Variants in MACF1 observed in about 807,000 individuals in gnomAD.
MACF1 encodes microtubule actin crosslinking factor 1, also known as microtubule-actin cross-linking factor 1.
A neutral mutation model predicts 854.8 loss-of-function variants in MACF1; 193 were observed. That is an observed-to-expected ratio of 0.23 (90% CI 0.20 to 0.25). The LOEUF is 0.25. MACF1 is among the 10% of genes least tolerant of loss of function. The pLI is 1.00. For synonymous variants in MACF1, 3,185 were observed against 3,226.7 expected (o/e 0.99, Z 0.44); for missense variants, 7,722 against 8,929.1 (o/e 0.86, Z 5.45).
chr1:39,459,443 T>A (rs919047668), intron 91 of MACF1, among the ~76,000 whole-genome samples, 194 bp downstream of exon 91: 9 of 152,186 alleles, frequency 5.9e-5, no homozygotes, highest in Non-Finnish European at 1.3e-4. Context: ...GAAAACCGTT[T>A]GTGACAGAGT....
At chr1:39,410,552 G>A (rs1465563404) in intron 58 of MACF1, 5 of 1,613,872 alleles carry the variant, frequency 3.1e-6, no homozygotes, top group Non-Finnish European at 4.2e-6. Context: ...CTGGATGAGA[G>A]GATAATATTT....
Position 39,105,326 on chromosome 1 carries a change from C to CTG in MACF1, c.220+20888_220+20889insTG, listed in dbSNP as rs1286223292. On this transcript the variant is annotated intron_variant, in intron 2 of 93. Coordinates refer to the MACF1 transcript ENST00000361689. This position sits in a 1 kb window ranked among gnomAD's most constrained non-coding sequence, Gnocchi z 5.9. The stretch of plus-strand genomic sequence containing the variant: ...CTGGCGCTCCTGACAGGAGGAGCCG[C>CTG]CGCCGCCGCCCGCCGCTGCAGCCGC... The CTG allele has an allele frequency of 2.3e-5, 20 of 865,372 alleles. No homozygotes were observed. In the African/African-American group the frequency reaches 3.7e-4, roughly 16 times the overall value. 53.6% of individuals were successfully genotyped at this position (865,372 alleles called of 1,614,324 possible). A position where few individuals can be genotyped will look rare whatever the true frequency, so the allele number is the denominator to read the frequency against.
chr1:39,099,391 A>G lies in MACF1; in HGVS notation c.220+14953A>G, dbSNP rs111249794. ...AGGCTGGCCTCGAACTCCTGACCTC[A>G]GGTGATCTGCCCGCCCTGGCCTCCC... On this transcript the variant is annotated intron_variant, in intron 2 of 93. Transcript: ENST00000361689. 1.9e-3 allele frequency among the ~76,000 whole-genome samples: 296 copies of G among 152,326 alleles called. 2 individuals are homozygous for G. Among genetic ancestry groups the G allele is most frequent in the African/African-American group, 6.9e-3 (285 of 41,578 alleles).
intron 89 of MACF1, among the ~76,000 whole-genome samples, chr1:39,455,345 A>T (rs562911962): frequency 6.6e-6 from 1 of 152,160 alleles, no homozygotes; most frequent in Admixed American, 6.5e-5. Flanking sequence ...CTGCAGTCTC[A>T]TCTGGAGTTC....
intron 2 of MACF1, among the ~76,000 whole-genome samples, chr1:39,163,038 C>T (rs1299809695): frequency 6.6e-6 from 1 of 151,998 alleles, no homozygotes; most frequent in Non-Finnish European, 1.5e-5. Flanking sequence ...CTCTTCAGTG[C>T]CAGGTTATGA....
intron 58 of MACF1, among the ~76,000 whole-genome samples, chr1:39,419,030 C>G (rs1216250890): frequency 6.6e-6 from 1 of 152,148 alleles, no homozygotes; most frequent in East Asian, 1.9e-4. Context: ...TGACACAGTC[C>G]TATTTCACTA....
At position 39,267,949 on chromosome 1, in the gene MACF1, A is replaced by C. The variant is rs145308196; in HGVS notation, c.528+9921A>C. 6.9e-3 allele frequency among the ~76,000 whole-genome samples: 1,056 copies of C among 152,354 alleles called. 8 individuals carry two copies. The highest frequency in any genetic ancestry group is 0.024 in the African/African-American group (996 of 41,574). On this transcript the variant is annotated intron_variant, in intron 6 of 100. Coordinates refer to ENST00000564288, the MANE Select transcript of MACF1 (RefSeq NM_001394062.1). ...GTTCCTTTTCTTAACTGTAAGAAGA[A>C]GGCTCTGGTTTCTTCAGGTTATAAT...
chr1:39,350,641 A>T, intron 42 of MACF1, 144 bp from the exon 43 acceptor site: 1 of 560,240 alleles, frequency 1.8e-6, no homozygotes, highest in Non-Finnish European at 3.1e-6. Context: ...CTTTGCATTG[A>T]TTTAAGCCTA....
Position 39,460,654 on chromosome 1 carries a change from A to G in MACF1, c.21383A>G (p.Asp7128Gly). The G allele has an allele frequency of 6.2e-7, 1 of 1,614,158 alleles. No homozygotes were observed. The highest frequency in any genetic ancestry group is 8.5e-7 in the Non-Finnish European group (1 of 1,180,000). Residue 7128 changes from aspartate to glycine, a missense_variant, in exon 92 of 101, where the codon GAC becomes GGC. This residue lies in a region of MACF1 where 729 missense variants were observed against 900.5 expected (regional missense o/e 0.81). Coordinates refer to ENST00000564288, the MANE Select transcript of MACF1 (RefSeq NM_001394062.1). This position sits in a 1 kb window ranked among gnomAD's most constrained non-coding sequence, Gnocchi z 4.1. ...LEELKEFANF[D>G]FDVWRKKYMR... ...TAGTTGAAAGAATTTGCCAACTTTG[A>G]CTTTGATGTCTGGAGGAAAAAGTAT...
chr1:39,166,357 C>T (rs1017562035), intron 2 of MACF1, among the ~76,000 whole-genome samples: 1 of 151,690 alleles, frequency 6.6e-6, no homozygotes, highest in Non-Finnish European at 1.5e-5. Flanking sequence ...TGTGAGCCAC[C>T]ATGCCCTACT....
chr1:39,102,193 A>AAGAGAG (rs61576279), intron 2 of MACF1, among the ~76,000 whole-genome samples: 10,333 of 148,130 alleles, frequency 0.07, 449 homozygotes, highest in South Asian at 0.15. Context: ...AAGAAAAAGA[A>AAGAGAG]AGAGAGAGAG....
intron 5 of MACF1, chr1:39,257,639 T>A (rs182073480): frequency 2.1e-5 from 6 of 291,604 alleles, no homozygotes. Flanking sequence ...TGATCCCATT[T>A]ATCCAACACT....
intron 57 of MACF1, among the ~76,000 whole-genome samples, chr1:39,386,565 G>A (rs949732442): frequency 6.6e-6 from 1 of 152,104 alleles, no homozygotes; most frequent in African/African-American, 2.4e-5. Flanking sequence ...CCAAGTAGCT[G>A]GGACTACAAG....
intron 6 of MACF1, among the ~76,000 whole-genome samples, chr1:39,280,664 A>G (rs963700539): frequency 5.9e-5 from 9 of 151,928 alleles, no homozygotes; most frequent in Admixed American, 1.3e-4. Flanking sequence ...CACAACCTCC[A>G]CCTCCTGGGT....
intron 2 of MACF1, among the ~76,000 whole-genome samples, chr1:39,157,151 G>A (rs6600290): frequency 0.59 from 89,216 of 151,728 alleles, 28,147 homozygotes; most frequent in South Asian, 0.72. Flanking sequence ...TTTAGTTTTT[G>A]TAGAGATGAG....
intron 58 of MACF1, among the ~76,000 whole-genome samples, chr1:39,415,517 T>C (rs1311292804): frequency 6.8e-6 from 1 of 147,968 alleles, no homozygotes; most frequent in Non-Finnish European, 1.5e-5. Context: ...TGTATATATA[T>C]ATATATAATT....
chr1:39,327,012 A>G (rs1646627416), intron 35 of MACF1, among the ~76,000 whole-genome samples: 1 of 152,170 alleles, frequency 6.6e-6, no homozygotes, highest in Admixed American at 6.5e-5. Context: ...AACTACAAGC[A>G]TAGGGGTGAC....
intron 2 of MACF1, among the ~76,000 whole-genome samples, chr1:39,191,817 T>C (rs1287431781): frequency 1.3e-5 from 2 of 152,180 alleles, no homozygotes; most frequent in African/African-American, 4.8e-5. Flanking sequence ...CAACTCTGAG[T>C]CCCTGCAGGG....
rs1231966872 is a variant in MACF1 at position 39,283,273 on chromosome 1, G to A, written c.780G>A (p.Leu260=). ...AGGCTTTTGAAGTGGCAGAAAGACT[G>A]GGGGTCACTCGCCTGCTGGATGCAG... ...LEQAFEVAER[L]GVTRLLDAED... The change falls in exon 8 of 101, where the codon CTG becomes CTA. Residue 260 remains leucine (L), a synonymous_variant. Transcript: ENST00000564288. The surrounding 1 kb of genome is among the most constrained non-coding windows in gnomAD (Gnocchi z 4.5). The A allele has an allele frequency of 6.2e-7, 1 of 1,613,410 alleles. No homozygotes were observed. Among genetic ancestry groups the A allele is most frequent in the Non-Finnish European group, 8.5e-7 (1 of 1,179,386 alleles).
Sources: allele counts gnomAD v4.1 joint callset (sites outside exome capture counted in the v4.1 genomes callset), GRCh38; gene constraint gnomAD v4.1.1; regional missense constraint gnomAD v4.1.1; non-coding constraint Gnocchi (gnomAD v3.1); transcripts MANE v1.5; gene names NCBI Gene and HGNC (gene_info 2026-07-23, HGNC 2026-07-21).